The following ABCB1 variants were observed in gnomAD, a reference collection of about 807,000 sequenced individuals.
ABCB1 encodes the protein ATP binding cassette subfamily B member 1.
Under a neutral mutation model 142.0 loss-of-function variants are expected in ABCB1, and 69 were observed. The ratio of observed to expected loss-of-function variants is 0.49; its 90% CI spans 0.40 to 0.59. The LOEUF (loss-of-function observed/expected upper bound fraction) is 0.59, where lower values mean the gene tolerates loss of function less well. Among genes scored for constraint, ABCB1 ranks in the 20% least tolerant of loss-of-function variants. The pLI is 0.00. For missense variants in ABCB1, 1,326 were observed against 1,554.7 expected, an observed-to-expected ratio of 0.85 and a Z score of 2.47; for synonymous variants, 532 against 539.2, an observed-to-expected ratio of 0.99 and a Z score of 0.18.
At chr7:87,608,481 T>C (rs1819737855) in intron 1 of ABCB1, among the ~76,000 whole-genome samples, 1 of 152,244 alleles carries the variant, frequency 6.6e-6, no homozygotes, top group Non-Finnish European at 1.5e-5. Flanking sequence ...GAAATTCCTT[T>C]GACATTCAAC....
At chr7:87,509,537 C>A (rs1211706314) in intron 25 of ABCB1, 56 bp from the exon 26 acceptor site, 81 of 1,526,814 alleles carry the variant, frequency 5.3e-5, no homozygotes, top group Admixed American at 1.5e-4. Flanking sequence ...GAATGTAGCA[C>A]AATTAACATC....
chr7:87,539,016 G>A (rs1001270807), intron 19 of ABCB1, among the ~76,000 whole-genome samples: 3 of 152,208 alleles, frequency 2.0e-5, no homozygotes, highest in African/African-American at 7.2e-5. Flanking sequence ...CTGAGACACA[G>A]GCTGGAGGTG....
At chr7:87,531,223 G>C (rs2117129145) in intron 21 of ABCB1, 71 bp downstream of exon 21, 1 of 1,272,112 alleles carries the variant, frequency 7.9e-7, no homozygotes, top group Non-Finnish European at 1.1e-6. Flanking sequence ...AAGCAGTAGG[G>C]AGTAACAAAA....
chr7:87,664,928 A>G (rs1218304930), intron 1 of ABCB1, among the ~76,000 whole-genome samples: 5 of 152,128 alleles, frequency 3.3e-5, no homozygotes, highest in Non-Finnish European at 7.4e-5. Flanking sequence ...ATTCTCAACA[A>G]TTAAAGTACA....
rs989511697 is a variant in ABCB1, at chr7:87,549,469, T to C, written c.1604A>G (p.Gln535Arg). 2 of 1,614,200 alleles carry C rather than the reference T, an allele frequency of 1.2e-6. No homozygotes were observed. The highest frequency in any genetic ancestry group is 1.7e-6 in the Non-Finnish European group (2 of 1,180,032). The change falls in exon 14 of 28, where the codon CAG becomes CGG. Residue 535 changes from glutamine (Q) to arginine (R), a missense_variant. By Grantham distance (43) the Gln-to-Arg change is conservative. Transcript: ENST00000622132. ...ACGTGCAATGGCGATCCTCTGCTTC[T>C]GCCCACCACTCAACTGGGCCCCTCT... ...GERGAQLSGG[Q>R]KQRIAIARAL...
chr7:87,617,152 T>G (rs750358509), intron 1 of ABCB1, among the ~76,000 whole-genome samples: 26 of 152,322 alleles, frequency 1.7e-4, no homozygotes, highest in Non-Finnish European at 3.4e-4. Context: ...TTGGATACCT[T>G]TAAGTGGTTG....
chr7:87,586,974 T>C (rs190567381), intron 3 of ABCB1, among the ~76,000 whole-genome samples: 1 of 152,316 alleles, frequency 6.6e-6, no homozygotes, highest in Non-Finnish European at 1.5e-5. Context: ...CAAATGAGCT[T>C]AAGTTTGGGT....
intron 1 of ABCB1, among the ~76,000 whole-genome samples, chr7:87,703,914 GTTTTTTTTTTTTTTTTTTTTTTTTTTGA>G (rs1829349257): frequency 2.3e-5 from 1 of 42,974 alleles, no homozygotes; most frequent in Non-Finnish European, 4.2e-5. Flanking sequence ...TTTTTTTTTG[GTTTTTTTTTTTTTTTTTTTTTTTTTTGA>G]GACAGTCTAG....
At chr7:87,652,251 A>G (rs1563104621) in intron 1 of ABCB1, among the ~76,000 whole-genome samples, 1 of 152,044 alleles carries the variant, frequency 6.6e-6, no homozygotes. Context: ...TCTCACAAAA[A>G]CTATCAATAG....
chr7:87,630,244 T>C (rs1821078476), intron 1 of ABCB1, among the ~76,000 whole-genome samples: 1 of 152,238 alleles, frequency 6.6e-6, no homozygotes, highest in African/African-American at 2.4e-5. Context: ...GGAATACAGA[T>C]AATTATTCCA....
At chr7:87,578,813 C>T (rs891665472) in intron 4 of ABCB1, among the ~76,000 whole-genome samples, 1 of 151,334 alleles carries the variant, frequency 6.6e-6, no homozygotes, top group African/African-American at 2.4e-5. Context: ...CCTGCCTCAG[C>T]CTCCCAAGTA....
At chr7:87,699,070 T>C (rs1828770368) in intron 1 of ABCB1, among the ~76,000 whole-genome samples, 1 of 152,270 alleles carries the variant, frequency 6.6e-6, no homozygotes, top group South Asian at 2.1e-4. Context: ...AGCAGTCAAG[T>C]TACACTAATG....
chr7:87,669,903 GTCTT>G (rs1271816287), intron 1 of ABCB1, among the ~76,000 whole-genome samples: 1 of 152,048 alleles, frequency 6.6e-6, no homozygotes, highest in East Asian at 1.9e-4. Context: ...GCCTTTAAAA[GTCTT>G]TCTTTCATTT....
chr7:87,579,169 C>G (rs1366379984), intron 4 of ABCB1, among the ~76,000 whole-genome samples: 1 of 152,134 alleles, frequency 6.6e-6, no homozygotes, highest in African/African-American at 2.4e-5. Context: ...CATCTGCCAA[C>G]AGGGATAATT....
intron 21 of ABCB1, among the ~76,000 whole-genome samples, chr7:87,530,838 C>CAAGAAAGAATGA (rs1816012470): frequency 2.8e-5 from 2 of 71,238 alleles, no homozygotes; most frequent in Non-Finnish European, 5.2e-5. Context: ...AGCAAGAAAG[C>CAAGAAAGAATGA]AAGAAAGAAA....
chr7:87,613,257 C>CTTTTTTTTTT lies in ABCB1; in HGVS notation c.-330-12189_-330-12180dup, dbSNP rs67823385. On this transcript the variant is annotated intron_variant, in intron 1 of 28. Transcript: ENST00000265724. ...TTTCCAATTTGAATGTCCTTTATTT[C>CTTTTTTTTTT]TTTTTTTTTTTTTTTTTTTTTTTTG... 8.0e-3 allele frequency among the ~76,000 whole-genome samples: 514 copies of CTTTTTTTTTT among 64,216 alleles called. 3 individuals carry two copies. The highest frequency in any genetic ancestry group is 0.011 in the African/African-American group (167 of 15,520). The allele number at this position is 64,216 out of a possible 152,430, so 42.1% of individuals were successfully genotyped here. A position where few individuals can be genotyped will look rare whatever the true frequency, so the allele number is the denominator to read the frequency against.
At chr7:87,623,145 G>A (rs537257625) in intron 1 of ABCB1, among the ~76,000 whole-genome samples, 7 of 152,134 alleles carry the variant, frequency 4.6e-5, no homozygotes, top group Non-Finnish European at 1.0e-4. Flanking sequence ...GTTACTTAAT[G>A]TCTCCAAGTC....
At chr7:87,614,152 T>C (rs1379325724) in intron 1 of ABCB1, among the ~76,000 whole-genome samples, 1 of 152,138 alleles carries the variant, frequency 6.6e-6, no homozygotes, top group Non-Finnish European at 1.5e-5. Flanking sequence ...TCCCAGTGCT[T>C]TGAGAGGCCA....
intron 1 of ABCB1, among the ~76,000 whole-genome samples, chr7:87,625,568 G>A (rs1425845035): frequency 6.6e-6 from 1 of 152,086 alleles, no homozygotes; most frequent in African/African-American, 2.4e-5. Flanking sequence ...TTTTATCTGT[G>A]GTTAAATAAT....
Sources: gnomAD v4.1 joint callset for allele counts (sites outside exome capture counted in the v4.1 genomes callset) on GRCh38, gnomAD v4.1.1 for gene constraint, MANE v1.5 for transcripts, NCBI Gene and HGNC (gene_info 2026-07-23, HGNC 2026-07-21) for gene names.